CDKL5: variants seen among roughly 807,000 people sequenced by gnomAD.
CDKL5 encodes the protein cyclin-dependent kinase-like 5.
In CDKL5, 8 loss-of-function variants were observed where a neutral mutation model predicts 61.7. The observed-to-expected ratio is 0.13, with a 90% CI of 0.08 to 0.23. The LOEUF (loss-of-function observed/expected upper bound fraction) is 0.23. Ranked by LOEUF, CDKL5 falls within the 10% of genes least tolerant of loss-of-function variation. CDKL5 has a pLI of 1.00. For missense variants in CDKL5, 440 were observed against 734.5 expected (o/e 0.60, Z 4.63); for synonymous variants, 275 against 272.3 (o/e 1.01, Z -0.10).
At chrX:18,597,478 C>T (rs1435632265) in intron 10 of CDKL5, among the ~76,000 whole-genome samples, 4 of 109,412 alleles carry the variant, frequency 3.7e-5, no homozygotes, top group East Asian at 2.9e-4. Context: ...TCTTAAAAAA[C>T]GTTTTCCCTC....
chrX:18,502,298 G>T (rs1476428781), intron 1 of CDKL5, among the ~76,000 whole-genome samples: 1 of 112,214 alleles, frequency 8.9e-6, no homozygotes, highest in Non-Finnish European at 1.9e-5. Context: ...TGAAAACATG[G>T]GAGGCAGTCA....
chrX:18,652,026 C>G (rs1383090736), intron 21 of CDKL5, among the ~76,000 whole-genome samples: 1 of 110,433 alleles, frequency 9.1e-6, no homozygotes, highest in Non-Finnish European at 1.9e-5. Flanking sequence ...GTGCTACCTC[C>G]CCAGCACCCT....
At chrX:18,563,132 A>G (rs1243817691) in intron 3 of CDKL5, among the ~76,000 whole-genome samples, 1 of 111,837 alleles carries the variant, frequency 8.9e-6, no homozygotes, top group African/African-American at 3.2e-5. Flanking sequence ...AGATGTGCGC[A>G]GTTTTTCTCT....
intron 3 of CDKL5, among the ~76,000 whole-genome samples, chrX:18,514,396 A>T (rs930882052): frequency 9.0e-6 from 1 of 111,392 alleles, no homozygotes; most frequent in African/African-American, 3.3e-5. Context: ...AGGACTCATT[A>T]TGACTACTCA....
chrX:18,527,465 G>T (rs1602242046), intron 3 of CDKL5, among the ~76,000 whole-genome samples: 1 of 111,868 alleles, frequency 8.9e-6, no homozygotes, highest in South Asian at 3.7e-4. Context: ...TTGGTAATTT[G>T]TATGTTTCAA....
chrX:18,458,045 C>T (rs1324845389), intron 1 of CDKL5, among the ~76,000 whole-genome samples: 2 of 105,527 alleles, frequency 1.9e-5, no homozygotes, highest in African/African-American at 3.5e-5. Context: ...CTCAGCCTCC[C>T]GAGTAGCTGG....
intron 11 of CDKL5, among the ~76,000 whole-genome samples, chrX:18,601,378 A>T (rs1926173662): frequency 8.9e-6 from 1 of 112,667 alleles, no homozygotes; most frequent in Non-Finnish European, 1.9e-5. Context: ...CTAAATCGTT[A>T]TCTATCCATC....
At chrX:18,530,199 G>T (rs972629976) in intron 3 of CDKL5, among the ~76,000 whole-genome samples, 8 of 107,886 alleles carry the variant, frequency 7.4e-5, no homozygotes, top group Non-Finnish European at 1.5e-4. Flanking sequence ...GGGCATGGTG[G>T]TGCACGCCTG....
chrX:18,644,681 G>T (rs1927711473), downstream of CDKL5: 1 of 1,134,232 alleles, frequency 8.8e-7, no homozygotes. Flanking sequence ...TCTGCAAAAA[G>T]CCCGCAGGTG....
At chrX:18,473,205 C>T (rs919222375) in intron 1 of CDKL5, among the ~76,000 whole-genome samples, 1 of 110,173 alleles carries the variant, frequency 9.1e-6, no homozygotes, top group Non-Finnish European at 1.9e-5. Flanking sequence ...GTGATCCATC[C>T]GCCTCGGCCT....
At chrX:18,515,733 T>G (rs149015679) in intron 3 of CDKL5, among the ~76,000 whole-genome samples, 2 of 111,350 alleles carry the variant, frequency 1.8e-5, no homozygotes, top group African/African-American at 6.5e-5. Flanking sequence ...ATACTACCTA[T>G]TGAGCATCTA....
chrX:18,432,638 C>T (rs1177317087), intron 1 of CDKL5, among the ~76,000 whole-genome samples: 2 of 95,742 alleles, frequency 2.1e-5, no homozygotes, highest in African/African-American at 3.9e-5. Context: ...CGGATCTCAA[C>T]TCTGTCACTC....
intron 17 of CDKL5, 21 bp downstream of exon 17, chrX:18,625,268 T>C (rs1485832903): frequency 8.3e-7 from 1 of 1,202,824 alleles, no homozygotes; most frequent in African/African-American, 1.8e-5. Context: ...CCTGCACCAC[T>C]GCTAGACTCT....
chrX:18,434,302 A>G (rs1363897491), intron 1 of CDKL5, among the ~76,000 whole-genome samples: 4 of 111,990 alleles, frequency 3.6e-5, no homozygotes, highest in African/African-American at 1.3e-4. Flanking sequence ...CTTTGCTTTT[A>G]GATGAACATT....
intron 14 of CDKL5, among the ~76,000 whole-genome samples, chrX:18,609,937 A>G (rs1926492065): frequency 8.9e-6 from 1 of 112,308 alleles, no homozygotes. Context: ...AAGATAGTCA[A>G]AGATCTTCAC....
At chrX:18,650,647 C>T in intron 21 of CDKL5, 1 of 1,147,119 alleles carries the variant, frequency 8.7e-7, no homozygotes, top group South Asian at 1.8e-5. Context: ...CTCGGAATTG[C>T]CCGAGGAGCT....
At chrX:18,560,106 G>C (rs1009674190) in intron 3 of CDKL5, among the ~76,000 whole-genome samples, 1 of 110,533 alleles carries the variant, frequency 9.0e-6, no homozygotes, top group Non-Finnish European at 1.9e-5. Context: ...GTGTGCATGT[G>C]TCTTTATAGC....
chrX:18,614,581 T>C (rs1476910795), intron 15 of CDKL5, among the ~76,000 whole-genome samples: 1 of 112,511 alleles, frequency 8.9e-6, no homozygotes, highest in East Asian at 2.8e-4. Flanking sequence ...TCCGTAAGCA[T>C]TCATTAATGT....
Position 18,524,559 on chromosome X carries a change from T to A in CDKL5, c.99+13705T>A, listed in dbSNP as rs1297301318. On this transcript the variant is annotated intron_variant, in intron 3 of 17. Coordinates refer to ENST00000623535, the MANE Select transcript of CDKL5 (RefSeq NM_001323289.2). ...TTTCCTTCCAGTCTGTGGCATGTCT[T>A]TTCATTCTTACAATGGTATGTTTAC... Among the ~76,000 whole-genome samples, 4 of 112,166 alleles carry A rather than the reference T, an allele frequency of 3.6e-5. No individual in the cohort carries two copies. In the East Asian group the frequency reaches 1.1e-3, roughly 31 times the overall value.
Sources: gnomAD v4.1 joint callset for allele counts (sites outside exome capture counted in the v4.1 genomes callset) on GRCh38, gnomAD v4.1.1 for gene constraint, MANE v1.5 for transcripts, NCBI Gene and HGNC (gene_info 2026-07-23, HGNC 2026-07-21) for gene names.